Variants in NCAM1 observed in about 807,000 individuals in gnomAD.
The protein encoded by NCAM1 is neural cell adhesion molecule 1.
In NCAM1, 14 loss-of-function variants were observed where a neutral mutation model predicts 109.8. The observed-to-expected ratio is 0.13, with a 90% CI of 0.08 to 0.20. The LOEUF is 0.20. Among genes scored for constraint, NCAM1 ranks in the 10% least tolerant of loss-of-function variants. The pLI is 1.00. For synonymous variants in NCAM1, 418 were observed against 442.9 expected (o/e 0.94, Z 0.70); for missense variants, 774 against 1,109.9 (o/e 0.70, Z 4.30).
rs199895300 is a variant in NCAM1, at chr11:112,961,559, G to C, written c.-54G>C. 5.3e-6 allele frequency: 6 copies of C among 1,136,730 alleles called. No homozygotes were observed. The highest frequency in any genetic ancestry group is 5.1e-5 in the Admixed American group (3 of 59,192). 70.4% of individuals were successfully genotyped at this position (1,136,730 alleles called of 1,614,324 possible). On this transcript the variant is annotated 5_prime_UTR_variant, in exon 1 of 20. Coordinates refer to ENST00000316851, the MANE Select transcript of NCAM1 (RefSeq NM_181351.5). Reference sequence around the variant, plus strand: ...CCGCCGTCCACACTCGCTGCAGGGGGGGGGGCACAGAATTTACCGCGGCAA... The same window carrying C: ...CCGCCGTCCACACTCGCTGCAGGGGCGGGGGCACAGAATTTACCGCGGCAA...
intron 1 of NCAM1, among the ~76,000 whole-genome samples, chr11:113,135,056 G>A (rs1242814626): frequency 2.6e-5 from 4 of 152,106 alleles, no homozygotes; most frequent in African/African-American, 9.7e-5. Flanking sequence ...GGTGAAAAAG[G>A]GCTGTTTTCC....
chr11:112,971,509 G>C (rs1361789349), intron 1 of NCAM1, among the ~76,000 whole-genome samples: 1 of 152,080 alleles, frequency 6.6e-6, no homozygotes, highest in African/African-American at 2.4e-5. Flanking sequence ...GTTAACGACA[G>C]GGTGTGAAAA....
chr11:113,240,697 C>T (rs1945294852), intron 14 of NCAM1: 1 of 1,222,134 alleles, frequency 8.2e-7, no homozygotes, highest in Non-Finnish European at 1.2e-6. Flanking sequence ...CATACTGATG[C>T]CCCAGGGTTG....
intron 1 of NCAM1, among the ~76,000 whole-genome samples, chr11:112,998,317 G>T (rs1358490396): frequency 1.3e-5 from 2 of 152,168 alleles, no homozygotes; most frequent in Non-Finnish European, 2.9e-5. Flanking sequence ...CTCACATGAG[G>T]TAGTGTCTGA....
At chr11:112,978,041 A>G (rs1951051642) in intron 1 of NCAM1, among the ~76,000 whole-genome samples, 1 of 151,836 alleles carries the variant, frequency 6.6e-6, no homozygotes, top group South Asian at 2.1e-4. Context: ...GTGCAATCCC[A>G]GTGTGTAAGG....
intron 1 of NCAM1, among the ~76,000 whole-genome samples, chr11:113,003,122 G>C (rs955468150): frequency 1.3e-5 from 2 of 152,242 alleles, no homozygotes; most frequent in South Asian, 2.1e-4. Context: ...TAGAAGAGAA[G>C]CTTAAAATAT....
intron 1 of NCAM1, among the ~76,000 whole-genome samples, chr11:113,089,461 G>C (rs1939241027): frequency 6.6e-6 from 1 of 151,966 alleles, no homozygotes. Context: ...ACAGTGTTAG[G>C]CTTAGAATTT....
intron 11 of NCAM1, 43 bp from the exon 12 acceptor site, chr11:113,232,675 T>C (rs1555117530): frequency 1.4e-6 from 2 of 1,451,480 alleles, no homozygotes; most frequent in Non-Finnish European, 1.9e-6. Context: ...TCTGTGACCA[T>C]CCCATAGGAC....
intron 1 of NCAM1, among the ~76,000 whole-genome samples, chr11:112,994,529 A>G (rs1328852461): frequency 2.6e-5 from 4 of 152,156 alleles, no homozygotes; most frequent in African/African-American, 9.7e-5. Context: ...ATTTTGATAC[A>G]TCTTCTTGTA....
intron 1 of NCAM1, among the ~76,000 whole-genome samples, chr11:112,992,329 T>A (rs1257233674): frequency 6.6e-6 from 1 of 152,176 alleles, no homozygotes; most frequent in Non-Finnish European, 1.5e-5. Context: ...TGTAGTTGTT[T>A]CATTGGGTGG....
chr11:113,204,577 G>A (rs1944179824), intron 3 of NCAM1, 73 bp downstream of exon 3: 5 of 1,451,538 alleles, frequency 3.4e-6, no homozygotes, highest in Non-Finnish European at 4.7e-6. Context: ...GTGGAAAGGT[G>A]GAAATGATGA....
At chr11:113,073,580 T>C (rs1157287943) in intron 1 of NCAM1, among the ~76,000 whole-genome samples, 3 of 152,234 alleles carry the variant, frequency 2.0e-5, no homozygotes, top group Non-Finnish European at 4.4e-5. Flanking sequence ...TTTTTACTTA[T>C]AAGGTTATTT....
Position 113,248,552 on chromosome 11 carries a change from G to T in NCAM1, c.1828+2182G>T, listed in dbSNP as rs116487705. On this transcript the variant is annotated intron_variant, in intron 15 of 19. Coordinates refer to ENST00000316851, the MANE Select transcript of NCAM1 (RefSeq NM_181351.5). ...TCAATGAGAAAAGTGAGAGTAAGCT[G>T]GGGGGTGAGGGGGGAGCTTTCTGCT... Among the ~76,000 whole-genome samples the T allele has an allele frequency of 1.6e-3, 243 of 152,168 alleles. 1 individual carries two copies. Among genetic ancestry groups the T allele is most frequent in the African/African-American group, 5.7e-3 (236 of 41,528 alleles).
intron 17 of NCAM1, chr11:113,264,265 A>G (rs188916052): frequency 6.1e-6 from 6 of 984,940 alleles, no homozygotes; most frequent in Non-Finnish European, 7.2e-6. Flanking sequence ...TTATTTTTTA[A>G]TGTTCAAAGA....
chr11:113,142,833 A>G (rs1941878653), intron 1 of NCAM1, among the ~76,000 whole-genome samples: 1 of 152,250 alleles, frequency 6.6e-6, no homozygotes, highest in South Asian at 2.1e-4. Context: ...ATGATACGTT[A>G]GTTATTTTCA....
In NCAM1 at chr11:113,205,674, C is replaced by T; in HGVS notation, c.490+8C>T. 6.2e-7 allele frequency: 1 copy of T among 1,611,544 alleles called. No individual in the cohort carries two copies. Among genetic ancestry groups the T allele is most frequent in the Non-Finnish European group, 8.5e-7 (1 of 1,178,908 alleles). ...TCATCCTGAAAAAAGATGGTGAGACCTGAATTTCCTGGCATCTGCCTTTTC... is the reference window on the plus strand; with the variant it reads ...TCATCCTGAAAAAAGATGGTGAGACTTGAATTTCCTGGCATCTGCCTTTTC... On this transcript the variant is annotated splice_region_variant and intron_variant, in intron 4 of 19. Coordinates refer to ENST00000316851, the MANE Select transcript of NCAM1 (RefSeq NM_181351.5).
At position 113,275,777 on chromosome 11, in the gene NCAM1, T is replaced by C. The variant is rs1946390730; in HGVS notation, c.*390T>C. 1 of 170,438 alleles carries C rather than the reference T, an allele frequency of 5.9e-6. No individual in the cohort carries two copies. Among genetic ancestry groups the C allele is most frequent in the Non-Finnish European group, 1.3e-5 (1 of 79,358 alleles). The allele number at this position is 170,438 out of a possible 1,614,324, so 10.6% of individuals were successfully genotyped here. A position where few individuals can be genotyped will look rare whatever the true frequency, so the allele number is the denominator to read the frequency against. On this transcript the variant is annotated 3_prime_UTR_variant, in exon 20 of 20. Transcript: ENST00000316851. ...GAAGACCACACTTGGTGTTACCCGA[T>C]TGGCACAGACCAGTTTCAGAGAAAT...
At chr11:113,213,701 A>C (rs1187683330) in intron 7 of NCAM1, among the ~76,000 whole-genome samples, 2 of 152,102 alleles carry the variant, frequency 1.3e-5, no homozygotes, top group African/African-American at 2.4e-5. Context: ...TTTCCCCTCA[A>C]ACAACCTTGT....
At chr11:113,252,100 G>A (rs11214554) in intron 15 of NCAM1, among the ~76,000 whole-genome samples, 5,708 of 152,244 alleles carry the variant, frequency 0.037, 149 homozygotes, top group South Asian at 0.065. Context: ...GATATTAGTT[G>A]AATATGAGCT....
Sources: gnomAD v4.1 joint callset for allele counts (sites outside exome capture counted in the v4.1 genomes callset) on GRCh38, gnomAD v4.1.1 for gene constraint, MANE v1.5 for transcripts, NCBI Gene and HGNC (gene_info 2026-07-23, HGNC 2026-07-21) for gene names.